The following CPB2 variants were observed in gnomAD, a reference collection of about 807,000 sequenced individuals.
CPB2 encodes the protein carboxypeptidase B-like protein.
CPB2 carries 54 observed loss-of-function variants against 57.0 expected under a neutral mutation model. The observed-to-expected ratio is 0.95, with a 90% CI of 0.76 to 1.19. CPB2 has a LOEUF of 1.19. CPB2 is among the 50% of genes most tolerant of loss of function. CPB2 has a pLI of 0.00. For synonymous variants in CPB2, 189 were observed against 178.1 expected (o/e 1.06, Z -0.49); for missense variants, 426 against 512.0 (o/e 0.83, Z 1.62).
intron 1 of CPB2, among the ~76,000 whole-genome samples, chr13:46,094,254 C>G (rs990278259): frequency 6.6e-6 from 1 of 152,184 alleles, no homozygotes; most frequent in African/African-American, 2.4e-5. Context: ...CACATTCGCT[C>G]TGACATTTCT....
chr13:46,071,992 CAT>C (rs2044949715), intron 6 of CPB2, among the ~76,000 whole-genome samples: 2 of 152,160 alleles, frequency 1.3e-5, no homozygotes, highest in African/African-American at 4.8e-5. Context: ...TGATGGTTAA[CAT>C]ATATTCACTG....
chr13:46,087,389 A>T (rs1249611788), intron 2 of CPB2, among the ~76,000 whole-genome samples: 1 of 152,280 alleles, frequency 6.6e-6, no homozygotes, highest in Non-Finnish European at 1.5e-5. Flanking sequence ...TGCCTGGGTG[A>T]GAATTTTAAT....
At chr13:46,089,785 T>A (rs2045264500) in intron 1 of CPB2, among the ~76,000 whole-genome samples, 1 of 152,092 alleles carries the variant, frequency 6.6e-6, no homozygotes, top group Non-Finnish European at 1.5e-5. Context: ...AGATAGTCCC[T>A]CCCCAAACAC....
chr13:46,075,544 G>A (rs1317114552), intron 5 of CPB2, among the ~76,000 whole-genome samples: 1 of 152,202 alleles, frequency 6.6e-6, no homozygotes, highest in Non-Finnish European at 1.5e-5. Flanking sequence ...GTCATGGGTG[G>A]ATATGCCATG....
In CPB2 at chr13:46,053,404, T is replaced by C; in HGVS notation, c.*210A>G. 1.6e-6 allele frequency: 1 copy of C among 636,800 alleles called. No individual in the cohort carries two copies. The highest frequency in any genetic ancestry group is 2.3e-6 in the Non-Finnish European group (1 of 434,324). The allele number at this position is 636,800 out of a possible 1,614,324, so 39.4% of individuals were successfully genotyped here. On this transcript the variant is annotated 3_prime_UTR_variant, in exon 11 of 11. Coordinates refer to ENST00000181383, the MANE Select transcript of CPB2 (RefSeq NM_001872.5). ...AAAGAAAAAGTAGGTAACTAGACTTTTACAATTTTTTTTAAAGGGTAAAAA... is the reference window on the plus strand; with the variant it reads ...AAAGAAAAAGTAGGTAACTAGACTTCTACAATTTTTTTTAAAGGGTAAAAA...
chr13:46,061,375 G>A (rs568458918), intron 8 of CPB2, among the ~76,000 whole-genome samples: 13 of 152,274 alleles, frequency 8.5e-5, no homozygotes, highest in Admixed American at 5.2e-4. Context: ...CTCCTGTTAT[G>A]AACTGAATTG....
At chr13:46,067,012 G>C (rs9526136) in intron 7 of CPB2, among the ~76,000 whole-genome samples, 51,980 of 150,912 alleles carry the variant, frequency 0.34, 9,163 homozygotes, top group African/African-American at 0.39. Context: ...AAGTGATATG[G>C]TACCTAGGAT....
intron 7 of CPB2, among the ~76,000 whole-genome samples, chr13:46,065,850 G>C (rs2044847111): frequency 1.3e-5 from 2 of 152,042 alleles, no homozygotes; most frequent in Non-Finnish European, 2.9e-5. Context: ...AGAACAGTTG[G>C]GAAGCTGGAA....
intron 5 of CPB2, among the ~76,000 whole-genome samples, chr13:46,076,825 A>G (rs1427318207): frequency 6.6e-6 from 1 of 152,210 alleles, no homozygotes; most frequent in Non-Finnish European, 1.5e-5. Context: ...CACCAAGAAC[A>G]TACATTGGGA....
In CPB2 at chr13:46,053,727, G is replaced by A; in HGVS notation, c.1159C>T (p.Arg387Ter). The A allele has an allele frequency of 1.9e-6, 3 of 1,614,108 alleles. No homozygotes were observed. The highest frequency in any genetic ancestry group is 1.1e-5 in the South Asian group (1 of 91,082). Residue 387 changes from arginine (R) to a stop codon, truncating the protein, a stop_gained, in exon 11 of 11, where the codon CGA becomes TGA. Transcript: ENST00000181383. LOFTEE classifies it high-confidence loss of function. ...AAGAATCCGTATGTGCCCGTATCTC[G>A]AAGTTCAATTGTAAACGAATATTTG... ...GIKYSFTIEL[R>*]DTGTYGFLLP...
chr13:46,063,401 A>G (rs1219443798), intron 8 of CPB2, among the ~76,000 whole-genome samples: 1 of 152,098 alleles, frequency 6.6e-6, no homozygotes, highest in Non-Finnish European at 1.5e-5. Context: ...GCTTTTACTT[A>G]TAAGTGAGAC....
At chr13:46,063,317 C>T (rs1566399331) in intron 8 of CPB2, among the ~76,000 whole-genome samples, 1 of 152,164 alleles carries the variant, frequency 6.6e-6, no homozygotes, top group Admixed American at 6.5e-5. Flanking sequence ...TTTCCCCTCT[C>T]TCTCCTTCCC....
chr13:46,079,761 A>G (rs1014009494), intron 4 of CPB2, among the ~76,000 whole-genome samples: 2 of 152,178 alleles, frequency 1.3e-5, no homozygotes, highest in Admixed American at 6.5e-5. Flanking sequence ...GAACTTTTCT[A>G]GAGGTGATTT....
In CPB2 at chr13:46,104,934, A is replaced by G; in HGVS notation, c.74+2T>C. ...CCACAGTCTAAGATTCTATTGGGTT[A>G]CCTCTGAAACGCGAAGACATGCTGC... On this transcript the variant is annotated splice_donor_variant, in intron 1 of 10. Transcript: ENST00000181383. LOFTEE classifies it high-confidence loss of function. 1 of 1,613,934 alleles carries G rather than the reference A, an allele frequency of 6.2e-7. No individual in the cohort carries two copies. The highest frequency in any genetic ancestry group is 8.5e-7 in the Non-Finnish European group (1 of 1,179,874).
At chr13:46,056,174 C>T (rs756413328) in intron 9 of CPB2, among the ~76,000 whole-genome samples, 1 of 152,102 alleles carries the variant, frequency 6.6e-6, no homozygotes, top group Non-Finnish European at 1.5e-5. Context: ...ATAACTACAT[C>T]TCAAAGGCTT....
At chr13:46,092,346 C>T (rs1040019650) in intron 1 of CPB2, among the ~76,000 whole-genome samples, 1 of 152,054 alleles carries the variant, frequency 6.6e-6, no homozygotes, top group Non-Finnish European at 1.5e-5. Flanking sequence ...CCAAAAAAGT[C>T]TGGAGTTTAG....
chr13:46,103,156 A>G (rs1362861345), intron 1 of CPB2, among the ~76,000 whole-genome samples: 1 of 152,180 alleles, frequency 6.6e-6, no homozygotes, highest in African/African-American at 2.4e-5. Context: ...GTGTTTTGCT[A>G]TTGATTATCC....
Position 46,073,975 on chromosome 13 carries a change from A to G in CPB2, c.489T>C (p.Val163=), listed in dbSNP as rs544833092. 6.8e-5 allele frequency: 107 copies of G among 1,573,354 alleles called. 2 individuals are homozygous for G. In the South Asian group the frequency reaches 1.2e-3, roughly 17 times the overall value. Residue 163 remains valine, a splice_region_variant and synonymous_variant, in exon 6 of 11, where the codon GTT becomes GTC. Coordinates refer to ENST00000181383, the MANE Select transcript of CPB2 (RefSeq NM_001872.5). ...TTTTGGCTGCTTGTTCTTTTCCAGA[A>G]ACCTGCTCAAAGAAACCCCAAAAGT... The part of the protein sequence containing the change: ...FEKYPLYVLK[V]SGKEQAAKNA...
intron 4 of CPB2, among the ~76,000 whole-genome samples, chr13:46,079,535 C>CAAAAAAAAAAAAAAAA (rs58164990): frequency 2.3e-4 from 25 of 110,992 alleles, no homozygotes; most frequent in Non-Finnish European, 3.2e-4. Flanking sequence ...AAGGAAAAAG[C>CAAAAAAAAAAAAAAAA]AAAAAAAAAA....
Sources: allele counts gnomAD v4.1 joint callset (sites outside exome capture counted in the v4.1 genomes callset), GRCh38; gene constraint gnomAD v4.1.1; transcripts MANE v1.5; gene names NCBI Gene and HGNC (gene_info 2026-07-23, HGNC 2026-07-21).